Variants in ZSWIM9 observed in about 807,000 individuals in gnomAD.
The protein encoded by ZSWIM9 is uncharacterized protein ZSWIM9.
Under a neutral mutation model 25.0 loss-of-function variants are expected in ZSWIM9, and 11 were observed. The ratio of observed to expected loss-of-function variants is 0.44; its 90% CI spans 0.28 to 0.73. ZSWIM9 has a LOEUF of 0.73. Ranked by LOEUF, ZSWIM9 falls within the 30% of genes least tolerant of loss-of-function variation. The pLI is 0.16. For missense variants in ZSWIM9, 1,070 were observed against 1,296.5 expected (o/e 0.83, Z 2.68); for synonymous variants, 562 against 582.1 (o/e 0.97, Z 0.50).
At chr19:48,179,990 T>C (rs1367299737) in intron 2 of ZSWIM9, among the ~76,000 whole-genome samples, 1 of 152,182 alleles carries the variant, frequency 6.6e-6, no homozygotes, top group East Asian at 1.9e-4. Flanking sequence ...ACCCATGCTC[T>C]TTGGCTTGGA....
intron 2 of ZSWIM9, among the ~76,000 whole-genome samples, chr19:48,174,464 G>A (rs545022013): frequency 5.3e-5 from 8 of 152,232 alleles, no homozygotes; most frequent in East Asian, 3.9e-4. Flanking sequence ...GGGCCATTGT[G>A]CTGCTGATGC....
At chr19:48,171,513 A>G (rs753667779) in intron 1 of ZSWIM9, 5 of 479,410 alleles carry the variant, frequency 1.0e-5, no homozygotes, top group African/African-American at 2.1e-5. Flanking sequence ...AGAGATTCCA[A>G]CTGTACCTAA....
intron 3 of ZSWIM9, among the ~76,000 whole-genome samples, chr19:48,193,968 A>G (rs1448883973): frequency 2.0e-5 from 3 of 152,196 alleles, no homozygotes; most frequent in African/African-American, 4.8e-5. Flanking sequence ...CCTGCCTCTC[A>G]GTGCATGGAG....
At position 48,195,024 on chromosome 19, in the gene ZSWIM9, G is replaced by A. The variant is rs2123455826; in HGVS notation, c.960G>A (p.Gln320=). Residue 320 remains glutamine (Q), a synonymous_variant, in exon 4 of 4, where the codon CAG becomes CAA. Transcript: ENST00000614654. The surrounding 1 kb of genome is among the most constrained non-coding windows in gnomAD (Gnocchi z 5.8). The part of the protein sequence containing the change: ...PCARVQICRA[Q]GLETLFSKAQ... ...CGCGCGTGCAGATCTGCCGCGCGCA[G>A]GGCCTGGAGACGCTCTTCAGCAAGG... 11 of 1,373,422 alleles carry A rather than the reference G, an allele frequency of 8.0e-6. No individual in the cohort carries two copies. Among genetic ancestry groups the A allele is most frequent in the South Asian group, 4.4e-5 (3 of 67,744 alleles). 85.1% of individuals were successfully genotyped at this position (1,373,422 alleles called of 1,614,324 possible). A position where few individuals can be genotyped will look rare whatever the true frequency, so the allele number is the denominator to read the frequency against.
chr19:48,185,779 G>A (rs2037004538), intron 3 of ZSWIM9, among the ~76,000 whole-genome samples: 1 of 152,160 alleles, frequency 6.6e-6, no homozygotes, highest in African/African-American at 2.4e-5. Flanking sequence ...CTGATGGCAG[G>A]AGTTCGAGAC....
At position 48,196,480 on chromosome 19, in the gene ZSWIM9, CCAAAGAGGCTTT is replaced by C; in HGVS notation, c.2417_2428del (p.Pro806_Cys810delinsArg). The C allele has an allele frequency of 8.1e-7, 1 of 1,232,460 alleles. No individual in the cohort carries two copies. The allele number at this position is 1,232,460 out of a possible 1,614,324, so 76.3% of individuals were successfully genotyped here. ...AGGAGGCGAAGATGGCCCCAGGGAA[CCAAAGAGGCTTT>C]GCCGACCCCCGGGAGAGGAGGAGGT... On this transcript the variant is annotated inframe_deletion, in exon 4 of 4. Transcript: ENST00000614654.
chr19:48,172,258 G>A (rs896110258), intron 2 of ZSWIM9, among the ~76,000 whole-genome samples, 181 bp downstream of exon 2: 1 of 152,110 alleles, frequency 6.6e-6, no homozygotes, highest in African/African-American at 2.4e-5. Context: ...GAGAGAAGAA[G>A]AGGAGCTAGA....
chr19:48,182,335 C>A lies in ZSWIM9; in HGVS notation c.276-120C>A. On this transcript the variant is annotated intron_variant, in intron 2 of 3. Transcript: ENST00000614654. The surrounding 1 kb of genome is among the most constrained non-coding windows in gnomAD (Gnocchi z 4.6). ...TCACACAGCTGGCATATTCTTAGGG[C>A]CCTCTACTCTTCTCTATGCCTGAAA... 1 of 817,952 alleles carries A rather than the reference C, an allele frequency of 1.2e-6. No homozygotes were observed. The highest frequency in any genetic ancestry group is 1.9e-6 in the Non-Finnish European group (1 of 536,290). The allele number at this position is 817,952 out of a possible 1,614,324, so 50.7% of individuals were successfully genotyped here.
chr19:48,183,937 G>A (rs991670574), intron 3 of ZSWIM9, among the ~76,000 whole-genome samples: 6 of 146,726 alleles, frequency 4.1e-5, no homozygotes, highest in African/African-American at 1.2e-4. Flanking sequence ...GAGCCACCAC[G>A]CCAGGCCTAC....
chr19:48,190,135 C>T (rs559695958), intron 3 of ZSWIM9, among the ~76,000 whole-genome samples: 3 of 150,030 alleles, frequency 2.0e-5, no homozygotes, highest in East Asian at 3.9e-4. Flanking sequence ...CCTGGGGTGG[C>T]GGAGGTCGCA....
intron 2 of ZSWIM9, among the ~76,000 whole-genome samples, chr19:48,175,877 GA>G (rs1215804546): frequency 1.3e-5 from 2 of 152,166 alleles, no homozygotes; most frequent in Non-Finnish European, 2.9e-5. Flanking sequence ...ACCGGCCGTT[GA>G]AAACATAAAG....
Position 48,182,697 on chromosome 19 carries a change from G to T in ZSWIM9, c.518G>T (p.Gly173Val). The change falls in exon 3 of 4, where the codon GGC (glycine) becomes GTC (valine). Residue 173 changes from glycine (G) to valine (V), a missense_variant. Physicochemically the swap from Gly to Val is moderately radical, Grantham distance 109 (BLOSUM62 -3). Transcript: ENST00000614654. This position sits in a 1 kb window ranked among gnomAD's most constrained non-coding sequence, Gnocchi z 4.6. ...CGCCGCCTGCTGTCCTACTGCAAGG[G>T]CCGCGACCACGGCGTCCTGGACGCC... ...DVRRLLSYCKGRDHGVLDALH... is the reference protein window; with the variant it reads ...DVRRLLSYCKVRDHGVLDALH... The T allele has an allele frequency of 6.5e-7, 1 of 1,535,590 alleles. No homozygotes were observed. The highest frequency in any genetic ancestry group is 8.7e-7 in the Non-Finnish European group (1 of 1,146,546).
chr19:48,192,744 C>A (rs1180566055), intron 3 of ZSWIM9, among the ~76,000 whole-genome samples: 1 of 151,594 alleles, frequency 6.6e-6, no homozygotes, highest in Non-Finnish European at 1.5e-5. Context: ...TAGAAGGAAT[C>A]ACAGAACTGA....
rs376567728 is a variant in ZSWIM9, at chr19:48,194,595, G to A, written c.589-58G>A. 1.7e-5 allele frequency: 23 copies of A among 1,353,660 alleles called. No individual in the cohort carries two copies. In the African/African-American group the frequency reaches 1.8e-4, roughly 11 times the overall value. The allele number at this position is 1,353,660 out of a possible 1,614,324, so 83.9% of individuals were successfully genotyped here. A position where few individuals can be genotyped will look rare whatever the true frequency, so the allele number is the denominator to read the frequency against. On this transcript the variant is annotated intron_variant, in intron 3 of 3. Transcript: ENST00000614654. The surrounding 1 kb of genome is among the most constrained non-coding windows in gnomAD (Gnocchi z 6.0). ...GGGGAAACCGAGGTCGGGGAGCTGG[G>A]CGGGGAGACCCCAGCATCCTCTGAC...
chr19:48,194,570 G>A lies in ZSWIM9; in HGVS notation c.589-83G>A, dbSNP rs2037134071. The A allele has an allele frequency of 7.6e-7, 1 of 1,318,902 alleles. No homozygotes were observed. The highest frequency in any genetic ancestry group is 9.8e-7 in the Non-Finnish European group (1 of 1,022,762). The allele number at this position is 1,318,902 out of a possible 1,614,324, so 81.7% of individuals were successfully genotyped here. A position where few individuals can be genotyped will look rare whatever the true frequency, so the allele number is the denominator to read the frequency against. Reference sequence around the variant, plus strand: ...AATGGGTGGTCCCATTTCCGTAGAAGGGGAAACCGAGGTCGGGGAGCTGGG... The same window carrying A: ...AATGGGTGGTCCCATTTCCGTAGAAAGGGAAACCGAGGTCGGGGAGCTGGG... On this transcript the variant is annotated intron_variant, in intron 3 of 3. Coordinates refer to ENST00000614654, the MANE Select transcript of ZSWIM9 (RefSeq NM_199341.4). The surrounding 1 kb of genome is among the most constrained non-coding windows in gnomAD (Gnocchi z 6.0).
chr19:48,195,373 G>A lies in ZSWIM9; in HGVS notation c.1309G>A (p.Asp437Asn). 6.6e-7 allele frequency: 1 copy of A among 1,508,404 alleles called. No homozygotes were observed. Among genetic ancestry groups the A allele is most frequent in the Non-Finnish European group, 8.8e-7 (1 of 1,136,020 alleles). The allele number at this position is 1,508,404 out of a possible 1,614,324, so 93.4% of individuals were successfully genotyped here. ...CGACCTGGTGGCCATGCAGTGGGCC[G>A]ACGCGGCCGGGGAGGCGGTGCCCGA... ...LRDLVAMQWADAAGEAVPEGP... is the reference protein window; with the variant it reads ...LRDLVAMQWANAAGEAVPEGP... The change falls in exon 4 of 4, where the codon GAC (aspartate) becomes AAC (asparagine). Residue 437 changes from aspartate to asparagine, a missense_variant. This residue lies in a region of ZSWIM9 where 583 missense variants were observed against 624.7 expected (regional missense o/e 0.93). Coordinates refer to ENST00000614654, the MANE Select transcript of ZSWIM9 (RefSeq NM_199341.4). The surrounding 1 kb of genome is among the most constrained non-coding windows in gnomAD (Gnocchi z 5.8).
Position 48,195,212 on chromosome 19 carries a change from C to G in ZSWIM9, c.1148C>G (p.Pro383Arg). 3 of 1,527,306 alleles carry G rather than the reference C, an allele frequency of 2.0e-6. No individual in the cohort carries two copies. The highest frequency in any genetic ancestry group is 1.8e-6 in the Non-Finnish European group (2 of 1,141,926). The allele number at this position is 1,527,306 out of a possible 1,614,324, so 94.6% of individuals were successfully genotyped here. A position where few individuals can be genotyped will look rare whatever the true frequency, so the allele number is the denominator to read the frequency against. Residue 383 changes from proline to arginine, a missense_variant, in exon 4 of 4, where the codon CCC (proline) becomes CGC (arginine). Around this residue, in one of 4 missense-constraint regions of ZSWIM9, gnomAD observed 184 missense variants for 243.1 expected, o/e 0.76. Coordinates refer to ENST00000614654, the MANE Select transcript of ZSWIM9 (RefSeq NM_199341.4). This position sits in a 1 kb window ranked among gnomAD's most constrained non-coding sequence, Gnocchi z 5.8. The stretch of plus-strand genomic sequence containing the variant: ...GACTACTTCGAGCGCAACTGGGAGC[C>G]CCGCCGCGACATGTGGGTCCGCTTC... ...FVDYFERNWE[P>R]RRDMWVRFRA...
rs1221460451 is a variant in ZSWIM9 at position 48,196,636 on chromosome 19, G to T, written c.2572G>T (p.Ala858Ser). 2 of 1,232,692 alleles carry T rather than the reference G, an allele frequency of 1.6e-6. No individual in the cohort carries two copies. The highest frequency in any genetic ancestry group is 2.0e-6 in the Non-Finnish European group (2 of 988,398). 76.4% of individuals were successfully genotyped at this position (1,232,692 alleles called of 1,614,324 possible). A position where few individuals can be genotyped will look rare whatever the true frequency, so the allele number is the denominator to read the frequency against. ...GACCCGGGGTTTCCACTGGACCGGA[G>T]CTGGCTTTGCCCTTAAGGACGGCAC... Reference protein sequence around the residue: ...HGTRGFHWTGAGFALKDGTSD... With the variant: ...HGTRGFHWTGSGFALKDGTSD... The change falls in exon 4 of 4, where the codon GCT (alanine) becomes TCT (serine). Residue 858 changes from alanine to serine, a missense_variant. Physicochemically the swap from Ala to Ser is moderately conservative, Grantham distance 99. Transcript: ENST00000614654.
chr19:48,193,342 G>A lies in ZSWIM9; in HGVS notation c.589-1311G>A, dbSNP rs543109078. On this transcript the variant is annotated intron_variant, in intron 3 of 3. Transcript: ENST00000614654. ...CTTGGACATGGCTGCACACCCTCGCGTGAGTTCACTCACTCAGGATGTATT... is the reference window on the plus strand; with the variant it reads ...CTTGGACATGGCTGCACACCCTCGCATGAGTTCACTCACTCAGGATGTATT... 3.0e-4 allele frequency among the ~76,000 whole-genome samples: 45 copies of A among 152,310 alleles called. No homozygotes were observed. The East Asian group carries it at 5.8e-3, about 20-fold the overall frequency.
Sources: allele counts gnomAD v4.1 joint callset (sites outside exome capture counted in the v4.1 genomes callset), GRCh38; gene constraint gnomAD v4.1.1; regional missense constraint gnomAD v4.1.1; non-coding constraint Gnocchi (gnomAD v3.1); transcripts MANE v1.5; gene names NCBI Gene and HGNC (gene_info 2026-07-23, HGNC 2026-07-21).